Variants in MGLL observed in about 807,000 individuals in gnomAD.
MGLL encodes lysophospholipase homolog.
A neutral mutation model predicts 29.1 loss-of-function variants in MGLL; 7 were observed. The ratio of observed to expected loss-of-function variants is 0.24; its 90% CI spans 0.14 to 0.45. The LOEUF is 0.45. MGLL is among the 20% of genes least tolerant of loss of function. The probability of loss-of-function intolerance (pLI) is 0.99; values close to 1 mark genes in which losing one functional copy is unlikely to be tolerated. For missense variants in MGLL, 356 were observed against 413.6 expected, an observed-to-expected ratio of 0.86 and a Z score of 1.21; for synonymous variants, 148 against 168.3, an observed-to-expected ratio of 0.88 and a Z score of 0.93.
At chr3:127,718,296 ACTGT>A (rs2075854664) in intron 5 of MGLL, among the ~76,000 whole-genome samples, 1 of 152,128 alleles carries the variant, frequency 6.6e-6, no homozygotes, top group Admixed American at 6.5e-5. Context: ...TGGATTGAAC[ACTGT>A]CTGAGGAGTC....
intron 3 of MGLL, among the ~76,000 whole-genome samples, chr3:127,769,085 C>T (rs969825588): frequency 1.3e-5 from 2 of 152,186 alleles, no homozygotes; most frequent in African/African-American, 4.8e-5. Context: ...GGAGCGGTGG[C>T]TTATGCCTGT....
In MGLL at chr3:127,711,039, C is replaced by T. The variant is rs545393888; in HGVS notation, c.511-374G>A. Reference sequence around the variant, plus strand: ...ATTTCTCTGGGGTACTGAAAATACACGGCAGGTGCAGAATCACACAGATCA... The same window carrying T: ...ATTTCTCTGGGGTACTGAAAATACATGGCAGGTGCAGAATCACACAGATCA... On this transcript the variant is annotated intron_variant, in intron 5 of 7. Coordinates refer to ENST00000265052, the MANE Select transcript of MGLL (RefSeq NM_007283.7). The T allele has an allele frequency of 2.8e-4, 99 of 356,858 alleles. 2 individuals carry two copies. Among genetic ancestry groups the T allele is most frequent in the South Asian group, 1.8e-3 (80 of 45,242 alleles). The allele number at this position is 356,858 out of a possible 1,614,324, so 22.1% of individuals were successfully genotyped here. A position where few individuals can be genotyped will look rare whatever the true frequency, so the allele number is the denominator to read the frequency against.
chr3:127,801,823 A>T (rs948027077), intron 2 of MGLL, among the ~76,000 whole-genome samples: 28 of 148,358 alleles, frequency 1.9e-4, no homozygotes, highest in African/African-American at 6.4e-4. Context: ...TAAAATATTT[A>T]TATATATAAT....
intron 2 of MGLL, among the ~76,000 whole-genome samples, chr3:127,790,971 C>T (rs1439752159): frequency 1.3e-5 from 2 of 152,156 alleles, no homozygotes; most frequent in African/African-American, 2.4e-5. Flanking sequence ...TGCGGTGAGG[C>T]CCAGTCCTCC....
chr3:127,814,602 C>T (rs1312467744), intron 2 of MGLL, among the ~76,000 whole-genome samples: 1 of 152,130 alleles, frequency 6.6e-6, no homozygotes, highest in East Asian at 1.9e-4. Context: ...CAGGGAGCAG[C>T]TTATTCTGCT....
intron 2 of MGLL, among the ~76,000 whole-genome samples, chr3:127,792,759 G>A (rs930137240): frequency 9.9e-5 from 15 of 152,128 alleles, no homozygotes; most frequent in Admixed American, 6.5e-4. Flanking sequence ...AAAAGCTGCC[G>A]GTAGGTACCA....
At chr3:127,741,166 A>G (rs1345238512) in intron 3 of MGLL, among the ~76,000 whole-genome samples, 2 of 152,206 alleles carry the variant, frequency 1.3e-5, no homozygotes. Context: ...CCATGGATAC[A>G]ATGTTCTTCT....
In MGLL at chr3:127,720,046, G is replaced by A. The variant is rs147222816; in HGVS notation, c.510+1007C>T. On this transcript the variant is annotated intron_variant, in intron 5 of 7. Transcript: ENST00000265052. ...GGTCATGGGCTGAAGGAAACCCTTT[G>A]AGGATGTTGTTATAAGGTTTCATTC... 1.9e-4 allele frequency among the ~76,000 whole-genome samples: 29 copies of A among 152,328 alleles called. 1 individual carries two copies. In the South Asian group the frequency reaches 4.6e-3, roughly 24 times the overall value.
At chr3:127,788,783 T>C (rs1285696434) in intron 2 of MGLL, among the ~76,000 whole-genome samples, 4 of 152,142 alleles carry the variant, frequency 2.6e-5, no homozygotes, top group African/African-American at 9.7e-5. Flanking sequence ...GTAGGCCCTG[T>C]GTTCTTTGAG....
intron 2 of MGLL, among the ~76,000 whole-genome samples, chr3:127,788,803 T>A (rs1047296258): frequency 6.6e-6 from 1 of 152,198 alleles, no homozygotes; most frequent in Non-Finnish European, 1.5e-5. Flanking sequence ...GAAGAGATCA[T>A]GTTTTATTCA....
chr3:127,712,052 G>T (rs1450810524), intron 5 of MGLL: 1 of 152,220 alleles, frequency 6.6e-6, no homozygotes, highest in African/African-American at 2.4e-5. Context: ...AACCCTGGGA[G>T]ATGAGGCTTC....
intron 3 of MGLL, among the ~76,000 whole-genome samples, chr3:127,746,737 C>T (rs977802335): frequency 2.8e-4 from 43 of 152,178 alleles, no homozygotes; most frequent in South Asian, 2.1e-4. Flanking sequence ...CTGCCACTCC[C>T]GTAGGGAGCC....
chr3:127,712,653 A>G (rs1410677339), intron 5 of MGLL: 3 of 152,258 alleles, frequency 2.0e-5, no homozygotes, highest in Non-Finnish European at 4.4e-5. Context: ...CTGGGCTCCG[A>G]CTTTGACTGT....
At chr3:127,696,145 C>A (rs1041023299) in intron 6 of MGLL, among the ~76,000 whole-genome samples, 1 of 152,202 alleles carries the variant, frequency 6.6e-6, no homozygotes, top group Non-Finnish European at 1.5e-5. Flanking sequence ...GGCCAACTCT[C>A]CCCCTCTACG....
chr3:127,819,976 G>T (rs905716399), intron 2 of MGLL, among the ~76,000 whole-genome samples: 1 of 152,132 alleles, frequency 6.6e-6, no homozygotes, highest in Non-Finnish European at 1.5e-5. Context: ...TAGGACCTTG[G>T]CCAGCCCCTT....
intron 3 of MGLL, among the ~76,000 whole-genome samples, chr3:127,744,345 G>A (rs1046821): frequency 0.41 from 61,680 of 151,976 alleles, 12,680 homozygotes; most frequent in East Asian, 0.48. Flanking sequence ...TTTGTATCAC[G>A]CTGCGGGATG....
intron 2 of MGLL, among the ~76,000 whole-genome samples, chr3:127,788,703 T>C (rs960515754): frequency 6.6e-6 from 1 of 152,160 alleles, no homozygotes; most frequent in Admixed American, 6.5e-5. Flanking sequence ...AACACTGAGG[T>C]AGGCGCACCC....
chr3:127,807,739 C>T (rs1380882752), intron 2 of MGLL, among the ~76,000 whole-genome samples: 1 of 136,962 alleles, frequency 7.3e-6, no homozygotes, highest in Non-Finnish European at 1.5e-5. Context: ...TTTAGACATG[C>T]TGTGAAAAGT....
At position 127,690,385 on chromosome 3, in the gene MGLL, G is replaced by T. The variant is rs1008049905; in HGVS notation, c.*1813C>A. On this transcript the variant is annotated 3_prime_UTR_variant, in exon 8 of 8. Transcript: ENST00000265052. Reference sequence around the variant, plus strand: ...CCCACCTGCCCCTTGTGGGGTGAGGGCTTGGCTCCTCCCCCAGGGCACAGA... The same window carrying T: ...CCCACCTGCCCCTTGTGGGGTGAGGTCTTGGCTCCTCCCCCAGGGCACAGA... The T allele has an allele frequency of 6.6e-6, 1 of 152,268 alleles. No individual in the cohort carries two copies. Among genetic ancestry groups the T allele is most frequent in the African/African-American group, 2.4e-5 (1 of 41,468 alleles). The allele number at this position is 152,268 out of a possible 1,614,324, so 9.4% of individuals were successfully genotyped here.
Sources: gnomAD v4.1 joint callset for allele counts (sites outside exome capture counted in the v4.1 genomes callset) on GRCh38, gnomAD v4.1.1 for gene constraint, MANE v1.5 for transcripts, NCBI Gene and HGNC (gene_info 2026-07-23, HGNC 2026-07-21) for gene names.